The following PHF8 variants were observed in gnomAD, a reference collection of about 807,000 sequenced individuals.
PHF8 encodes the protein histone lysine demethylase PHF8.
In PHF8, 9 loss-of-function variants were observed where a neutral mutation model predicts 74.4. That is an observed-to-expected ratio of 0.12 (90% CI 0.07 to 0.21). The LOEUF (loss-of-function observed/expected upper bound fraction) is 0.21, where lower values mean the gene tolerates loss of function less well. PHF8 is among the 10% of genes least tolerant of loss of function. The pLI is 1.00. For missense variants in PHF8, 478 were observed against 816.6 expected (o/e 0.59, Z 5.05); for synonymous variants, 311 against 316.6 (o/e 0.98, Z 0.19).
At chrX:53,949,928 G>C (rs1200600134) in intron 19 of PHF8, among the ~76,000 whole-genome samples, 5 of 109,681 alleles carry the variant, frequency 4.6e-5, no homozygotes, top group African/African-American at 1.7e-4. Context: ...TTAAGGATGA[G>C]ATGTTATGAT....
rs782799826 is a variant in PHF8 at position 54,020,630 on chromosome X, C to T, written c.293+1629G>A. Among the ~76,000 whole-genome samples the T allele has an allele frequency of 9.8e-5, 11 of 111,796 alleles. No individual in the cohort carries two copies. In the East Asian group the frequency reaches 1.7e-3, roughly 17 times the overall value. ...CATTTCTGAAAGGATCTACAAATAA[C>T]GGGTTGACTTTGGAGAAAGAACCTG... is the stretch of plus-strand genomic sequence containing the variant. On this transcript the variant is annotated intron_variant, in intron 4 of 21. Coordinates refer to ENST00000338154, the MANE Select transcript of PHF8 (RefSeq NM_015107.3).
chrX:53,978,797 C>CA (rs34127297), intron 18 of PHF8, among the ~76,000 whole-genome samples: 620 of 42,568 alleles, frequency 0.015, 6 homozygotes, highest in East Asian at 0.045. Flanking sequence ...GGCTCCATCT[C>CA]AAAAAAAAAA....
At chrX:53,975,678 C>T (rs1478630723) in intron 18 of PHF8, among the ~76,000 whole-genome samples, 2 of 111,653 alleles carry the variant, frequency 1.8e-5, no homozygotes, top group African/African-American at 6.5e-5. Context: ...AAAAGTGGAT[C>T]TCACAGAGGT....
At position 54,023,038 on chromosome X, in the gene PHF8, T is replaced by G. The variant is rs782326778; in HGVS notation, c.99-195A>C. Among the ~76,000 whole-genome samples the G allele has an allele frequency of 6.2e-5, 7 of 112,284 alleles. No homozygotes were observed. In the South Asian group the frequency reaches 1.9e-3, roughly 30 times the overall value. The stretch of plus-strand genomic sequence containing the variant: ...GGGGTTACTGTATTAGGCAGTGGTG[T>G]GATCATGGCTCACTGCAACCTCTGC... On this transcript the variant is annotated intron_variant, in intron 2 of 21. Coordinates refer to ENST00000338154, the MANE Select transcript of PHF8 (RefSeq NM_015107.3).
intron 4 of PHF8, among the ~76,000 whole-genome samples, chrX:54,020,135 G>A (rs969615790): frequency 6.2e-5 from 7 of 112,044 alleles, no homozygotes; most frequent in African/African-American, 9.7e-5. Flanking sequence ...GCAGTGAGCC[G>A]AGATCACGCC....
chrX:54,026,966 T>C (rs2066277495), intron 2 of PHF8, among the ~76,000 whole-genome samples: 1 of 111,376 alleles, frequency 9.0e-6, no homozygotes, highest in Non-Finnish European at 1.9e-5. Context: ...TCCTACTTCT[T>C]AGAGAAAATT....
intron 2 of PHF8, among the ~76,000 whole-genome samples, chrX:54,026,957 CCTA>C (rs1207685454): frequency 9.0e-6 from 1 of 111,397 alleles, no homozygotes; most frequent in Non-Finnish European, 1.9e-5. Context: ...CGATGCACTT[CCTA>C]CTTCTTAGAG....
intron 18 of PHF8, among the ~76,000 whole-genome samples, chrX:53,973,800 TAATTA>T (rs1442655805): frequency 1.8e-5 from 2 of 111,818 alleles, no homozygotes; most frequent in Non-Finnish European, 3.8e-5. Context: ...AAATGGGATC[TAATTA>T]AATTAAAGAG....
chrX:54,005,678 G>A (rs782168951), intron 8 of PHF8, among the ~76,000 whole-genome samples: 1 of 108,474 alleles, frequency 9.2e-6, no homozygotes, highest in East Asian at 2.9e-4. Context: ...TATCTATAGG[G>A]GAAAAACAAT....
chrX:54,019,803 A>G (rs1398579372), intron 4 of PHF8, among the ~76,000 whole-genome samples: 9 of 108,597 alleles, frequency 8.3e-5, no homozygotes, highest in Non-Finnish European at 1.7e-4. Context: ...AAAAAAAAAA[A>G]AAAAGAAAGA....
At chrX:53,980,404 T>G (rs2065461422) in intron 18 of PHF8, among the ~76,000 whole-genome samples, 1 of 111,096 alleles carries the variant, frequency 9.0e-6, no homozygotes, top group Non-Finnish European at 1.9e-5. Flanking sequence ...CACAGAAGTA[T>G]GACCACATGA....
chrX:53,989,049 G>A (rs1280525735), intron 14 of PHF8, among the ~76,000 whole-genome samples: 5 of 107,468 alleles, frequency 4.7e-5, no homozygotes, highest in African/African-American at 1.4e-4. Context: ...AAAACCTCCC[G>A]CCTCCTAGGT....
intron 6 of PHF8, among the ~76,000 whole-genome samples, chrX:54,015,372 C>T (rs1305065071): frequency 3.6e-5 from 4 of 109,847 alleles, no homozygotes; most frequent in Admixed American, 9.8e-5. Context: ...GTCAGGAGAT[C>T]GAGACCATCC....
chrX:54,011,862 CA>C (rs11397654), intron 7 of PHF8, among the ~76,000 whole-genome samples: 1,522 of 40,024 alleles, frequency 0.038, 20 homozygotes, highest in African/African-American at 0.099. Context: ...GATAATTTGG[CA>C]AAAAAAAAAA....
intron 7 of PHF8, among the ~76,000 whole-genome samples, chrX:54,012,652 A>T (rs1317222130): frequency 9.0e-6 from 1 of 110,998 alleles, no homozygotes; most frequent in Non-Finnish European, 1.9e-5. Context: ...AAGTAAAAAA[A>T]TTGTCTGGAC....
chrX:54,039,803 T>C (rs1430713093), intron 2 of PHF8: 1 of 112,383 alleles, frequency 8.9e-6, no homozygotes, highest in East Asian at 2.8e-4. Flanking sequence ...GACACATATA[T>C]ATTGTGGGAT....
At chrX:54,022,544 C>T (rs1557110335) in intron 3 of PHF8, among the ~76,000 whole-genome samples, 177 bp from the exon 4 acceptor site, 2 of 111,638 alleles carry the variant, frequency 1.8e-5, no homozygotes, top group Non-Finnish European at 3.8e-5. Flanking sequence ...GGTACTTTCT[C>T]TAGATAAGCC....
rs1224889128 is a variant in PHF8 at position 54,009,268 on chromosome X, T to A, written c.946+1854A>T. 4.5e-5 allele frequency among the ~76,000 whole-genome samples: 5 copies of A among 111,908 alleles called. No homozygotes were observed. In the Admixed American group the frequency reaches 4.8e-4, roughly 11 times the overall value. ...TGTAAATATACAAAGAACTGAATTG[T>A]ACCCTTTAAAATGGTAAATTTTACA... is the stretch of plus-strand genomic sequence containing the variant. On this transcript the variant is annotated intron_variant, in intron 8 of 21. Coordinates refer to ENST00000338154, the MANE Select transcript of PHF8 (RefSeq NM_015107.3).
At chrX:54,040,422 C>T (rs2066532752) in intron 2 of PHF8, among the ~76,000 whole-genome samples, 1 of 112,229 alleles carries the variant, frequency 8.9e-6, no homozygotes, top group African/African-American at 3.2e-5. Context: ...GAAGACATCT[C>T]TGCCCTCAGG....
Sources: allele counts gnomAD v4.1 joint callset (sites outside exome capture counted in the v4.1 genomes callset), GRCh38; gene constraint gnomAD v4.1.1; transcripts MANE v1.5; gene names NCBI Gene and HGNC (gene_info 2026-07-23, HGNC 2026-07-21).